The following DLGAP2 variants were observed in gnomAD, a reference collection of about 807,000 sequenced individuals.
DLGAP2 encodes DLG associated protein 2.
A neutral mutation model predicts 100.3 loss-of-function variants in DLGAP2; 26 were observed. The ratio of observed to expected loss-of-function variants is 0.26; its 90% CI spans 0.19 to 0.36. The LOEUF is 0.36. DLGAP2 is among the 10% of genes least tolerant of loss of function. DLGAP2 has a pLI of 1.00. For synonymous variants in DLGAP2, 886 were observed against 630.1 expected (o/e 1.41, Z -6.08); for missense variants, 1,858 against 1,453.2 (o/e 1.28, Z -4.53).
At chr8:1,355,937 A>C (rs1164369962) in intron 3 of DLGAP2, among the ~76,000 whole-genome samples, 1 of 152,072 alleles carries the variant, frequency 6.6e-6, no homozygotes, top group Non-Finnish European at 1.5e-5. Context: ...CAGGCAATTC[A>C]AGTACATGCG....
chr8:1,137,229 A>T (rs896220288), intron 2 of DLGAP2: 1 of 152,266 alleles, frequency 6.6e-6, no homozygotes, highest in Non-Finnish European at 1.5e-5. Context: ...TCCCCTTGTT[A>T]CAAAGACACC....
intron 2 of DLGAP2, among the ~76,000 whole-genome samples, chr8:1,106,840 T>G (rs984813931): frequency 6.6e-6 from 1 of 152,182 alleles, no homozygotes; most frequent in African/African-American, 2.4e-5. Context: ...GTGACACCTG[T>G]GATGAACTGT....
At chr8:1,321,913 C>G (rs899243332) in intron 3 of DLGAP2, among the ~76,000 whole-genome samples, 2 of 152,116 alleles carry the variant, frequency 1.3e-5, no homozygotes, top group African/African-American at 2.4e-5. Flanking sequence ...ACAGAGCAAC[C>G]AAACAAACTG....
intron 1 of DLGAP2, among the ~76,000 whole-genome samples, chr8:885,964 C>G (rs1028233375): frequency 6.6e-6 from 1 of 152,124 alleles, no homozygotes; most frequent in Non-Finnish European, 1.5e-5. Context: ...GGAATAGTTT[C>G]AGAAGGAATG....
chr8:1,572,077 G>T (rs548368083), intron 6 of DLGAP2, among the ~76,000 whole-genome samples: 229 of 136,146 alleles, frequency 1.7e-3, no homozygotes, highest in African/African-American at 6.1e-3. Context: ...GAGGAGAGAG[G>T]GTGAACTGTG....
chr8:741,248 G>T (rs1820475160), intron 1 of DLGAP2, among the ~76,000 whole-genome samples: 1 of 152,152 alleles, frequency 6.6e-6, no homozygotes. Flanking sequence ...GGGGTCGTAG[G>T]GTGTGCAAAC....
intron 3 of DLGAP2, among the ~76,000 whole-genome samples, chr8:1,360,702 A>G (rs1008314106): frequency 2.0e-5 from 3 of 152,046 alleles, no homozygotes; most frequent in African/African-American, 7.2e-5. Context: ...CACCGCCCCC[A>G]CCATGGAGAT....
chr8:791,362 C>T (rs1241822867), intron 1 of DLGAP2, among the ~76,000 whole-genome samples: 1 of 152,046 alleles, frequency 6.6e-6, no homozygotes, highest in Non-Finnish European at 1.5e-5. Context: ...TCCTCCATGC[C>T]CCAGTGTTAT....
intron 1 of DLGAP2, among the ~76,000 whole-genome samples, chr8:848,278 G>T (rs1489886908): frequency 6.6e-6 from 1 of 151,888 alleles, no homozygotes; most frequent in Non-Finnish European, 1.5e-5. Flanking sequence ...ATCGTGTGGT[G>T]TGTGTTCCAA....
chr8:796,284 T>A (rs917525998), intron 1 of DLGAP2, among the ~76,000 whole-genome samples: 2 of 152,206 alleles, frequency 1.3e-5, no homozygotes, highest in Non-Finnish European at 2.9e-5. Context: ...GGGATCCCGC[T>A]TGGACTTTGT....
At chr8:1,446,128 G>C (rs1797980538) in intron 3 of DLGAP2, among the ~76,000 whole-genome samples, 1 of 151,914 alleles carries the variant, frequency 6.6e-6, no homozygotes, top group South Asian at 2.1e-4. Context: ...GGCTTTTGTT[G>C]CCATTGCTTT....
At chr8:1,360,047 TC>T (rs1355825409) in intron 3 of DLGAP2, among the ~76,000 whole-genome samples, 11 of 152,152 alleles carry the variant, frequency 7.2e-5, no homozygotes, top group Non-Finnish European at 1.5e-4. Flanking sequence ...CGAGCCACTT[TC>T]CGCCTCTTCA....
intron 3 of DLGAP2, among the ~76,000 whole-genome samples, chr8:1,445,200 T>C (rs1269541328): frequency 1.3e-5 from 2 of 149,824 alleles, no homozygotes; most frequent in East Asian, 4.0e-4. Context: ...AACTCGTCAT[T>C]TAGCATTAGG....
intron 2 of DLGAP2, among the ~76,000 whole-genome samples, chr8:966,191 G>A (rs1236133275): frequency 1.3e-5 from 2 of 152,192 alleles, no homozygotes; most frequent in Non-Finnish European, 2.9e-5. Context: ...CCAGTTGTGG[G>A]AATCCATAGG....
At chr8:1,149,433 C>T (rs187613914) in intron 2 of DLGAP2, among the ~76,000 whole-genome samples, 230 of 152,280 alleles carry the variant, frequency 1.5e-3, no homozygotes, top group African/African-American at 5.2e-3. Context: ...AGGCACCAGC[C>T]ACCGCGCCTG....
chr8:903,946 C>G (rs556755072), intron 1 of DLGAP2, among the ~76,000 whole-genome samples: 2 of 152,186 alleles, frequency 1.3e-5, no homozygotes, highest in South Asian at 4.1e-4. Flanking sequence ...CGGAGCTGCA[C>G]GGGAGGCATC....
At chr8:1,679,580 A>C (rs1798894755) in intron 12 of DLGAP2, among the ~76,000 whole-genome samples, 1 of 152,228 alleles carries the variant, frequency 6.6e-6, no homozygotes, top group African/African-American at 2.4e-5. Flanking sequence ...ACCAGGGCAG[A>C]TCTGTCCCAG....
At chr8:1,304,198 T>C (rs927888852) in intron 3 of DLGAP2, among the ~76,000 whole-genome samples, 3 of 152,234 alleles carry the variant, frequency 2.0e-5, no homozygotes, top group Admixed American at 6.5e-5. Flanking sequence ...AACTGAGAGC[T>C]GACAGCTTTT....
chr8:1,586,311 A>T (rs1796117717), intron 6 of DLGAP2, among the ~76,000 whole-genome samples: 1 of 152,166 alleles, frequency 6.6e-6, no homozygotes, highest in African/African-American at 2.4e-5. Context: ...TTGTCAGCTG[A>T]AGTCAGCCCC....
Sources: allele counts gnomAD v4.1 joint callset (sites outside exome capture counted in the v4.1 genomes callset), GRCh38; gene constraint gnomAD v4.1.1; transcripts MANE v1.5; gene names NCBI Gene and HGNC (gene_info 2026-07-23, HGNC 2026-07-21).